The following PTPN3 variants were observed in gnomAD, a reference collection of about 807,000 sequenced individuals.
PTPN3 encodes tyrosine-protein phosphatase non-receptor type 3.
In PTPN3, 96 loss-of-function variants were observed where a neutral mutation model predicts 132.7. The ratio of observed to expected loss-of-function variants is 0.72; its 90% CI spans 0.61 to 0.86. PTPN3 has a LOEUF of 0.86. Ranked by LOEUF, PTPN3 falls within the 40% of genes least tolerant of loss-of-function variation. The pLI is 0.00. For missense variants in PTPN3, 1,125 were observed against 1,159.6 expected (o/e 0.97, Z 0.43); for synonymous variants, 398 against 429.0 (o/e 0.93, Z 0.89).
intron 7 of PTPN3, among the ~76,000 whole-genome samples, chr9:109,441,975 C>A (rs977377509): frequency 1.3e-5 from 2 of 152,026 alleles, no homozygotes; most frequent in Non-Finnish European, 2.9e-5. Context: ...TATCAGATGC[C>A]CCTCTTGGAA....
At chr9:109,535,706 C>T in the PTPN3 span, among the ~76,000 whole-genome samples, 1 of 151,994 alleles carries the variant, frequency 6.6e-6, no homozygotes, top group Non-Finnish European at 1.5e-5. Flanking sequence ...AGGGTTTCAC[C>T]ACGTTGGCCA....
At chr9:109,382,226 G>A in intron 24 of PTPN3, 76 bp downstream of exon 24, 1 of 1,510,936 alleles carries the variant, frequency 6.6e-7, no homozygotes, top group East Asian at 2.3e-5. Flanking sequence ...GGGTGGGTCT[G>A]GCGCCTGCCA....
intron 6 of PTPN3, among the ~76,000 whole-genome samples, chr9:109,447,279 C>T (rs1844926748): frequency 6.6e-6 from 1 of 152,050 alleles, no homozygotes; most frequent in South Asian, 2.1e-4. Context: ...CGGTGCCTGT[C>T]TCATAAAAAG....
chr9:109,409,849 A>G lies in PTPN3; in HGVS notation c.1578+150T>C. On this transcript the variant is annotated intron_variant, in intron 16 of 25. Coordinates refer to ENST00000374541, the MANE Select transcript of PTPN3 (RefSeq NM_002829.4). ...AACCCCAAATATCTCAAACCAAACA[A>G]AAACAAAAAAAACCCCCAACTCTCA... The G allele has an allele frequency of 2.2e-6, 3 of 1,380,300 alleles. No homozygotes were observed. The East Asian group carries it at 7.6e-5, about 35-fold the overall frequency. The allele number at this position is 1,380,300 out of a possible 1,614,324, so 85.5% of individuals were successfully genotyped here.
intron 1 of PTPN3, among the ~76,000 whole-genome samples, chr9:109,489,204 G>GT (rs971690878): frequency 3.3e-5 from 5 of 152,154 alleles, no homozygotes; most frequent in African/African-American, 4.8e-5. Flanking sequence ...TCCAGCCAGG[G>GT]TATGTGAGTG....
chr9:109,431,711 G>A (rs780394625), intron 10 of PTPN3, among the ~76,000 whole-genome samples: 1 of 152,192 alleles, frequency 6.6e-6, no homozygotes, highest in Non-Finnish European at 1.5e-5. Flanking sequence ...AAGTATGTAT[G>A]CTACTTAAGC....
At position 109,383,466 on chromosome 9, in the gene PTPN3, G is replaced by A; in HGVS notation, c.2339C>T (p.Thr780Ile). ...CATTTCTCGGGACACATAGGCGATG[G>A]TGCAGTCCTCTGACTGACACTGGAT... ...FHIQCQSEDC[T>I]IAYVSREMLV... The change falls in exon 23 of 26, where the codon ACC becomes ATC. Residue 780 changes from threonine to isoleucine, a missense_variant. By Grantham distance (89) the Thr-to-Ile change is moderately conservative (BLOSUM62 -1). Coordinates refer to ENST00000374541, the MANE Select transcript of PTPN3 (RefSeq NM_002829.4). 6.2e-7 allele frequency: 1 copy of A among 1,614,026 alleles called. No individual in the cohort carries two copies. The highest frequency in any genetic ancestry group is 8.5e-7 in the Non-Finnish European group (1 of 1,179,990).
chr9:109,417,050 C>T (rs574061358), intron 14 of PTPN3, among the ~76,000 whole-genome samples: 14 of 152,208 alleles, frequency 9.2e-5, no homozygotes, highest in Non-Finnish European at 1.6e-4. Context: ...TTCATTTCTG[C>T]CATGAAAGAA....
the PTPN3 span, among the ~76,000 whole-genome samples, chr9:109,528,820 C>T: frequency 2.6e-5 from 4 of 151,962 alleles, no homozygotes; most frequent in Non-Finnish European, 5.9e-5. Flanking sequence ...TGTGTATGTG[C>T]ACCTCTAGAG....
At chr9:109,456,113 T>C (rs1017143286) in intron 4 of PTPN3, among the ~76,000 whole-genome samples, 1 of 152,188 alleles carries the variant, frequency 6.6e-6, no homozygotes, top group African/African-American at 2.4e-5. Flanking sequence ...CGAAGGCCAC[T>C]GTGTCTACTT....
chr9:109,437,063 T>C (rs1249207329), intron 8 of PTPN3, 93 bp from the exon 9 acceptor site: 2 of 1,551,446 alleles, frequency 1.3e-6, no homozygotes, highest in Non-Finnish European at 1.7e-6. Flanking sequence ...ATACCATTTC[T>C]GTAAGGTTAT....
chr9:109,493,563 T>C (rs1402547625), intron 1 of PTPN3, among the ~76,000 whole-genome samples: 1 of 152,224 alleles, frequency 6.6e-6, no homozygotes, highest in Admixed American at 6.5e-5. Context: ...ACTTTCCATA[T>C]AAACCATCAA....
At chr9:109,407,402 T>G (rs1346454537) in intron 17 of PTPN3, among the ~76,000 whole-genome samples, 2 of 152,012 alleles carry the variant, frequency 1.3e-5, no homozygotes, top group East Asian at 3.8e-4. Context: ...AAAAATAGGT[T>G]AACTATGGAA....
intron 12 of PTPN3, among the ~76,000 whole-genome samples, chr9:109,425,658 C>A (rs1479523503): frequency 6.6e-6 from 1 of 150,966 alleles, no homozygotes; most frequent in African/African-American, 2.4e-5. Context: ...TTGCAGTGAG[C>A]CGAGATCACT....
intron 5 of PTPN3, chr9:109,449,972 T>C: frequency 2.0e-6 from 2 of 985,090 alleles, no homozygotes; most frequent in South Asian, 4.7e-5. Context: ...CTCATAACTC[T>C]GTAAGGTAGG....
At chr9:109,423,673 T>C (rs1446201676) in intron 12 of PTPN3, among the ~76,000 whole-genome samples, 3 of 152,318 alleles carry the variant, frequency 2.0e-5, no homozygotes, top group Middle Eastern at 3.4e-3. Context: ...AAGGTTACTT[T>C]TGAATTTTAT....
At chr9:109,424,428 A>G (rs1843100502) in intron 12 of PTPN3, among the ~76,000 whole-genome samples, 1 of 152,246 alleles carries the variant, frequency 6.6e-6, no homozygotes, top group Non-Finnish European at 1.5e-5. Flanking sequence ...CCTGTGGCAG[A>G]TTAAAGATGA....
chr9:109,440,359 G>T (rs1229372873), intron 7 of PTPN3, among the ~76,000 whole-genome samples: 1 of 152,232 alleles, frequency 6.6e-6, no homozygotes, highest in African/African-American at 2.4e-5. Flanking sequence ...TCATTTAAAT[G>T]CCCTGACACA....
At chr9:109,488,893 C>A (rs1013727324) in intron 1 of PTPN3, among the ~76,000 whole-genome samples, 1 of 152,208 alleles carries the variant, frequency 6.6e-6, no homozygotes, top group Non-Finnish European at 1.5e-5. Context: ...ATCCAATGCC[C>A]ATCCTCTTCT....
Sources: gnomAD v4.1 joint callset for allele counts (sites outside exome capture counted in the v4.1 genomes callset) on GRCh38, gnomAD v4.1.1 for gene constraint, MANE v1.5 for transcripts, NCBI Gene and HGNC (gene_info 2026-07-23, HGNC 2026-07-21) for gene names.